Variants in EPHA1 observed in about 807,000 individuals in gnomAD.
The protein encoded by EPHA1 is EPH receptor A1.
A neutral mutation model predicts 110.1 loss-of-function variants in EPHA1; 92 were observed. The observed-to-expected ratio is 0.84, with a 90% CI of 0.71 to 0.99. EPHA1 has a LOEUF of 0.99. Ranked by LOEUF, EPHA1 falls within the 50% of genes least tolerant of loss-of-function variation. The pLI is 0.00. For missense variants in EPHA1, 1,204 were observed against 1,285.4 expected (o/e 0.94, Z 0.97); for synonymous variants, 500 against 516.1 (o/e 0.97, Z 0.42).
intron 2 of EPHA1, among the ~76,000 whole-genome samples, chr7:143,405,810 G>C (rs1805533254): frequency 6.6e-6 from 1 of 152,208 alleles, no homozygotes; most frequent in South Asian, 2.1e-4. Context: ...TAGGAGAACA[G>C]AGAACGGAGC....
Position 143,391,498 on chromosome 7 carries a change from G to A in EPHA1, c.2890C>T (p.Gln964Ter). The change falls in exon 18 of 18, where the codon CAG (glutamine) becomes TAG (stop). Residue 964 changes from glutamine (Q) to a stop codon, truncating the protein, a stop_gained. Coordinates refer to ENST00000275815, the MANE Select transcript of EPHA1 (RefSeq NM_005232.5). LOFTEE classifies it high-confidence loss of function. ...TQMGITLPGH[Q>*]KRILCSIQGF... ...TGAATACTGCAAAGAATGCGCTTCT[G>A]GTGCCCGGGCAGTGTGATTCCCATC... The A allele has an allele frequency of 2.5e-6, 4 of 1,614,188 alleles. No individual in the cohort carries two copies. The highest frequency in any genetic ancestry group is 2.5e-6 in the Non-Finnish European group (3 of 1,180,024).
intron 2 of EPHA1, among the ~76,000 whole-genome samples, chr7:143,402,492 A>G (rs1805451437): frequency 6.6e-6 from 1 of 152,188 alleles, no homozygotes. Context: ...ACCTAGGTTC[A>G]AGCGATTCTC....
rs185472076 is a variant in EPHA1, at chr7:143,391,380, G to A, written c.*77C>T. The stretch of plus-strand genomic sequence containing the variant: ...AGTCTGGCAGGTTGTGGGAAGGGGC[G>A]CAGGGAGTGACCATGAGCGACCTTG... On this transcript the variant is annotated 3_prime_UTR_variant, in exon 18 of 18. Coordinates refer to ENST00000275815, the MANE Select transcript of EPHA1 (RefSeq NM_005232.5). The A allele has an allele frequency of 1.7e-5, 27 of 1,545,584 alleles. No homozygotes were observed. The highest frequency in any genetic ancestry group is 7.0e-5 in the East Asian group (3 of 42,698).
intron 11 of EPHA1, 41 bp downstream of exon 11, chr7:143,396,344 C>G: frequency 6.2e-7 from 1 of 1,601,254 alleles, no homozygotes; most frequent in Non-Finnish European, 8.5e-7. Context: ...TGTGCTGCCC[C>G]ACATGGCGGG....
In EPHA1 at chr7:143,395,581, C is replaced by T. The variant is rs1309290625; in HGVS notation, c.1898-77G>A. 8.3e-6 allele frequency: 12 copies of T among 1,454,414 alleles called. No homozygotes were observed. Among genetic ancestry groups the T allele is most frequent in the Admixed American group, 4.1e-5 (2 of 48,376 alleles). 90.1% of individuals were successfully genotyped at this position (1,454,414 alleles called of 1,614,324 possible). Reference sequence around the variant, plus strand: ...GGGGACAGGCAGCAACCCCTCCAGTCCTCCGGCCCTTTTCTTTTCTGGAGA... The same window carrying T: ...GGGGACAGGCAGCAACCCCTCCAGTTCTCCGGCCCTTTTCTTTTCTGGAGA... On this transcript the variant is annotated intron_variant, in intron 11 of 17. Transcript: ENST00000275815. The surrounding 1 kb of genome is among the most constrained non-coding windows in gnomAD (Gnocchi z 4.7).
rs771554580 is a variant in EPHA1, at chr7:143,394,830, A to G, written c.2330T>C (p.Phe777Ser). The G allele has an allele frequency of 1.1e-5, 18 of 1,614,018 alleles. No individual in the cohort carries two copies. In the South Asian group the frequency reaches 1.9e-4, roughly 17 times the overall value. ...DFGLTRLLDD[F>S]DGTYETQGGK... is the part of the protein sequence containing the mutation. Reference sequence around the variant, plus strand: ...AACCTGGGTTTCGTATGTGCCATCAAAGTCATCCAGGAGGCGAGTCAGGCC... The same window carrying G: ...AACCTGGGTTTCGTATGTGCCATCAGAGTCATCCAGGAGGCGAGTCAGGCC... The change falls in exon 14 of 18, where the codon TTT becomes TCT. Residue 777 changes from phenylalanine (F) to serine (S), a missense_variant. Transcript: ENST00000275815.
chr7:143,402,007 C>T (rs955122606), intron 2 of EPHA1, among the ~76,000 whole-genome samples: 64 of 152,176 alleles, frequency 4.2e-4, no homozygotes, highest in African/African-American at 1.5e-3. Flanking sequence ...ATAATCAAAG[C>T]TCACTATAGC....
At position 143,399,680 on chromosome 7, in the gene EPHA1, T is replaced by C. The variant is rs1450812457; in HGVS notation, c.806A>G (p.Glu269Gly). Residue 269 changes from glutamate (E) to glycine (G), a missense_variant, in exon 4 of 18, where the codon GAG becomes GGG. By Grantham distance (98) the Glu-to-Gly change is moderately conservative (BLOSUM62 -2). Coordinates refer to ENST00000275815, the MANE Select transcript of EPHA1 (RefSeq NM_005232.5). ...ACATGCTTCGCCACTGCCACCTTCC[T>C]CATAGCCAGGCTCACAGTGGCACCG... ...VGRCHCEPGY[E>G]EGGSGEACVA... 1.9e-6 allele frequency: 3 copies of C among 1,613,450 alleles called. No individual in the cohort carries two copies. The highest frequency in any genetic ancestry group is 2.7e-5 in the African/African-American group (2 of 74,892).
At position 143,395,785 on chromosome 7, in the gene EPHA1, C is replaced by T. The variant is rs1011191776; in HGVS notation, c.1898-281G>A. Among the ~76,000 whole-genome samples the T allele has an allele frequency of 2.6e-5, 4 of 152,204 alleles. No homozygotes were observed. The highest frequency in any genetic ancestry group is 6.5e-5 in the Admixed American group (1 of 15,284). ...TGCAGGGTGAATGAACCCTGTGGAGCGGGACTGGGCCGTGCTCATGAAGAG... is the reference window on the plus strand; with the variant it reads ...TGCAGGGTGAATGAACCCTGTGGAGTGGGACTGGGCCGTGCTCATGAAGAG... On this transcript the variant is annotated intron_variant, in intron 11 of 17. Transcript: ENST00000275815. The surrounding 1 kb of genome is among the most constrained non-coding windows in gnomAD (Gnocchi z 4.7).
intron 16 of EPHA1, among the ~76,000 whole-genome samples, chr7:143,392,559 C>G (rs1805119210): frequency 6.6e-6 from 1 of 151,264 alleles, no homozygotes; most frequent in Non-Finnish European, 1.5e-5. Context: ...CTCCCCCACC[C>G]CCCCATCAGT....
chr7:143,398,499 CT>C (rs750723785), intron 6 of EPHA1, 51 bp from the exon 7 acceptor site: 1 of 1,611,736 alleles, frequency 6.2e-7, no homozygotes, highest in Non-Finnish European at 8.5e-7. Context: ...AGGAAATAAC[CT>C]TAGTAACTTT....
chr7:143,395,217 G>T lies in EPHA1; in HGVS notation c.2084-35C>A, dbSNP rs371392412. On this transcript the variant is annotated intron_variant, in intron 12 of 17. Transcript: ENST00000275815. The surrounding 1 kb of genome is among the most constrained non-coding windows in gnomAD (Gnocchi z 4.7). ...AGACACACATATCACACTCAGAACC[G>T]GGCTTCCTGCCCTTGGCCACACATC... is the stretch of plus-strand genomic sequence containing the variant. 2.6e-5 allele frequency: 42 copies of T among 1,612,784 alleles called. No homozygotes were observed. The South Asian group carries it at 4.5e-4, about 17-fold the overall frequency.
In EPHA1 at chr7:143,399,952, G is replaced by A. The variant is rs757070828; in HGVS notation, c.534C>T (p.Arg178=). The change falls in exon 4 of 18, where the codon CGC becomes CGT. Residue 178 remains arginine (R), a synonymous_variant. Coordinates refer to ENST00000275815, the MANE Select transcript of EPHA1 (RefSeq NM_005232.5). ...TGTGGAAAGCGAGGTAGAGGCCACG[G>A]CGGGTCAGGCGGCCCAGAGAGCAGC... ...VERCSLGRLT[R]RGLYLAFHNP... is the part of the protein sequence containing the mutation. 1.2e-6 allele frequency: 2 copies of A among 1,613,542 alleles called. No individual in the cohort carries two copies. Among genetic ancestry groups the A allele is most frequent in the Non-Finnish European group, 8.5e-7 (1 of 1,179,812 alleles).
Position 143,391,633 on chromosome 7 carries a change from C to T in EPHA1, c.2839G>A (p.Glu947Lys). ...CCAGCTCCTTACTCAGCGGTCAGCT[C>T]CAGCACACACTCCATGGTGTCCAGC... ...AGLDTMECVLELTAEDLTQMG... is the reference protein window; with the variant it reads ...AGLDTMECVLKLTAEDLTQMG... The change falls in exon 17 of 18, where the codon GAG becomes AAG. Residue 947 changes from glutamate to lysine, a missense_variant. Glu to Lys is a moderately conservative substitution (Grantham distance 56). Transcript: ENST00000275815. The T allele has an allele frequency of 6.2e-7, 1 of 1,614,182 alleles. No homozygotes were observed. Among genetic ancestry groups the T allele is most frequent in the Non-Finnish European group, 8.5e-7 (1 of 1,180,030 alleles).
In EPHA1 at chr7:143,398,805, G is replaced by A. The variant is rs1805334092; in HGVS notation, c.1132C>T (p.Gln378Ter). The change falls in exon 6 of 18, where the codon CAG becomes TAG. Residue 378 changes from glutamine (Q) to a stop codon, truncating the protein, a stop_gained. Coordinates refer to ENST00000275815, the MANE Select transcript of EPHA1 (RefSeq NM_005232.5). LOFTEE classifies it high-confidence loss of function. ...VRCSQCQGTA[Q>*]DGGPCQPCGV... ...CAGGGCTGGCAGGGCCCCCCGTCCT[G>A]TGCTGTGCCCTGACACTGGGAACAC... 5 of 1,613,552 alleles carry A rather than the reference G, an allele frequency of 3.1e-6. No individual in the cohort carries two copies. Among genetic ancestry groups the A allele is most frequent in the Non-Finnish European group, 3.4e-6 (4 of 1,179,972 alleles).
At chr7:143,397,764 G>A (rs1329532831) in intron 8 of EPHA1, 107 bp from the exon 9 acceptor site, 2 of 1,511,260 alleles carry the variant, frequency 1.3e-6, no homozygotes, top group Non-Finnish European at 1.8e-6. Flanking sequence ...CTTTCAGTGT[G>A]CATCAGGTCG....
intron 2 of EPHA1, among the ~76,000 whole-genome samples, chr7:143,402,453 C>A (rs997887520): frequency 1.3e-5 from 2 of 152,110 alleles, no homozygotes; most frequent in Non-Finnish European, 2.9e-5. Flanking sequence ...AGTGCAGTGG[C>A]ACAATCTTGG....
Position 143,395,445 on chromosome 7 carries a change from C to G in EPHA1, c.1957G>C (p.Val653Leu). 6.2e-7 allele frequency: 1 copy of G among 1,614,230 alleles called. No individual in the cohort carries two copies. Among genetic ancestry groups the G allele is most frequent in the Non-Finnish European group, 8.5e-7 (1 of 1,180,046 alleles). The stretch of plus-strand genomic sequence containing the variant: ...GTGTCTTTTAAGGTCTTAATGGCCA[C>G]AGTCTTGCAGTCCTGGCTGGGGAGC... ...LRLPSQDCKT[V>L]AIKTLKDTSP... The change falls in exon 12 of 18, where the codon GTG becomes CTG. Residue 653 changes from valine to leucine, a missense_variant. Coordinates refer to ENST00000275815, the MANE Select transcript of EPHA1 (RefSeq NM_005232.5). This position sits in a 1 kb window ranked among gnomAD's most constrained non-coding sequence, Gnocchi z 4.7.
At position 143,401,665 on chromosome 7, in the gene EPHA1, T is replaced by A; in HGVS notation, c.151-60A>T. ...ATCCCCTGCTCCCCAAACCCTTGGTTTTTAGAGCTGATGGAGAAGCAGCTG... is the reference window on the plus strand; with the variant it reads ...ATCCCCTGCTCCCCAAACCCTTGGTATTTAGAGCTGATGGAGAAGCAGCTG... On this transcript the variant is annotated intron_variant, in intron 2 of 17. Coordinates refer to ENST00000275815, the MANE Select transcript of EPHA1 (RefSeq NM_005232.5). This position sits in a 1 kb window ranked among gnomAD's most constrained non-coding sequence, Gnocchi z 4.1. 1 of 1,569,944 alleles carries A rather than the reference T, an allele frequency of 6.4e-7. No homozygotes were observed. The highest frequency in any genetic ancestry group is 1.4e-5 in the African/African-American group (1 of 74,060).
Sources: allele counts gnomAD v4.1 joint callset (sites outside exome capture counted in the v4.1 genomes callset), GRCh38; gene constraint gnomAD v4.1.1; non-coding constraint Gnocchi (gnomAD v3.1); transcripts MANE v1.5; gene names NCBI Gene and HGNC (gene_info 2026-07-23, HGNC 2026-07-21).